The following TBX4 variants were observed in gnomAD, a reference collection of about 807,000 sequenced individuals.
TBX4 encodes the protein T-box transcription factor TBX4.
TBX4 carries 13 observed loss-of-function variants against 54.6 expected under a neutral mutation model. That is an observed-to-expected ratio of 0.24 (90% confidence interval 0.15 to 0.38). The LOEUF is 0.38. TBX4 is among the 10% of genes least tolerant of loss of function. The probability of loss-of-function intolerance (pLI) is 1.00; values close to 1 mark genes in which losing one functional copy is unlikely to be tolerated. For synonymous variants in TBX4, 314 were observed against 306.7 expected (o/e 1.02, Z -0.25); for missense variants, 631 against 728.5 (o/e 0.87, Z 1.54).
At position 61,480,460 on chromosome 17, in the gene TBX4, G is replaced by T; in HGVS notation, c.1021+141G>T. ...TGGCCTGGGAGAGTGGGCCTGAAGG[G>T]TTAGGGATCACAGCTGGGCGCAGGG... On this transcript the variant is annotated intron_variant, in intron 8 of 8. Transcript: ENST00000644296. This position sits in a 1 kb window ranked among gnomAD's most constrained non-coding sequence, Gnocchi z 6.2. 1 of 811,156 alleles carries T rather than the reference G, an allele frequency of 1.2e-6. No individual in the cohort carries two copies. The highest frequency in any genetic ancestry group is 2.0e-6 in the Non-Finnish European group (1 of 488,876). 50.2% of individuals were successfully genotyped at this position (811,156 alleles called of 1,614,324 possible). A position where few individuals can be genotyped will look rare whatever the true frequency, so the allele number is the denominator to read the frequency against.
intron 5 of TBX4, among the ~76,000 whole-genome samples, chr17:61,470,748 C>T (rs2060571348): frequency 6.6e-6 from 1 of 152,226 alleles, no homozygotes; most frequent in Non-Finnish European, 1.5e-5. Context: ...TGCTGTTCTG[C>T]TGGCCACAGA....
In TBX4 at chr17:61,467,514, G is replaced by A. The variant is rs759509229; in HGVS notation, c.406G>A (p.Val136Met). 6.2e-7 allele frequency: 1 copy of A among 1,614,210 alleles called. No individual in the cohort carries two copies. The highest frequency in any genetic ancestry group is 2.2e-5 in the East Asian group (1 of 44,888). The change falls in exon 5 of 9, where the codon GTG becomes ATG. Residue 136 changes from valine (V) to methionine (M), a missense_variant. Around this residue, in one of 3 missense-constraint regions of TBX4, gnomAD observed 154 missense variants for 238.6 expected, o/e 0.65. Coordinates refer to ENST00000644296, the MANE Select transcript of TBX4 (RefSeq NM_001321120.2). ...TCTTATCTGCTCTGTTGGCAGGATG[G>A]TGGCAGGGAAGGCTGAGCCAGCCAT... is the stretch of plus-strand genomic sequence containing the variant. Reference protein sequence around the residue: ...RYKFCDNKWMVAGKAEPAMPG... With the variant: ...RYKFCDNKWMMAGKAEPAMPG...
intron 1 of TBX4, chr17:61,452,869 C>G (rs1047175445): frequency 2.1e-6 from 2 of 956,808 alleles, no homozygotes; most frequent in African/African-American, 3.5e-5. Context: ...ATCGACAGCG[C>G]CAGCACCCTA....
rs1026039295 is a variant in TBX4 at position 61,475,453 on chromosome 17, G to C, written c.550-3174G>C. Among the ~76,000 whole-genome samples the C allele has an allele frequency of 2.0e-5, 3 of 152,210 alleles. No homozygotes were observed. Among genetic ancestry groups the C allele is most frequent in the Non-Finnish European group, 4.4e-5 (3 of 68,036 alleles). ...GCAGGGGAGTGAACTGATGGGATGT[G>C]TTTCAGGAGGAAATGGAGAGAAAGT... On this transcript the variant is annotated intron_variant, in intron 5 of 8. Coordinates refer to ENST00000644296, the MANE Select transcript of TBX4 (RefSeq NM_001321120.2). This position sits in a 1 kb window ranked among gnomAD's most constrained non-coding sequence, Gnocchi z 5.0.
chr17:61,478,845 C>T lies in TBX4; in HGVS notation c.702+66C>T. Reference sequence around the variant, plus strand: ...CCACCCTGCGTTCTCTTCCACCAGGCAGAGAGGCAGAGTGTGAAGCCAGAG... The same window carrying T: ...CCACCCTGCGTTCTCTTCCACCAGGTAGAGAGGCAGAGTGTGAAGCCAGAG... On this transcript the variant is annotated intron_variant, in intron 6 of 8. Coordinates refer to ENST00000644296, the MANE Select transcript of TBX4 (RefSeq NM_001321120.2). The surrounding 1 kb of genome is among the most constrained non-coding windows in gnomAD (Gnocchi z 7.4). 6.2e-7 allele frequency: 1 copy of T among 1,609,518 alleles called. No individual in the cohort carries two copies. The highest frequency in any genetic ancestry group is 8.5e-7 in the Non-Finnish European group (1 of 1,175,996).
intron 8 of TBX4, 131 bp from the exon 9 acceptor site, chr17:61,482,766 T>C (rs889937384): frequency 2.9e-6 from 4 of 1,370,936 alleles, no homozygotes; most frequent in Middle Eastern, 2.4e-4. Context: ...GAAATGGCTC[T>C]GGGAGTGCCA....
chr17:61,466,683 T>C (rs1431101422), intron 4 of TBX4, among the ~76,000 whole-genome samples: 1 of 152,202 alleles, frequency 6.6e-6, no homozygotes, highest in African/African-American at 2.4e-5. Context: ...GGTGGCCACG[T>C]CCTGGCAAGG....
intron 3 of TBX4, chr17:61,463,097 GCCA>G (rs1569035460): frequency 6.6e-6 from 1 of 152,318 alleles, no homozygotes; most frequent in Non-Finnish European, 1.5e-5. Context: ...TCCTTCTGGA[GCCA>G]CCTAGGCAGG....
At chr17:61,463,328 C>T (rs955902348) in intron 3 of TBX4, 9 of 152,622 alleles carry the variant, frequency 5.9e-5, no homozygotes, top group Non-Finnish European at 1.0e-4. Context: ...AGCGCTGCTG[C>T]CTTAGGTAGA....
Position 61,474,964 on chromosome 17 carries a change from A to C in TBX4, c.550-3663A>C, listed in dbSNP as rs575737135. Among the ~76,000 whole-genome samples the C allele has an allele frequency of 6.6e-6, 1 of 152,352 alleles. No homozygotes were observed. Among genetic ancestry groups the C allele is most frequent in the East Asian group, 1.9e-4 (1 of 5,184 alleles). The stretch of plus-strand genomic sequence containing the variant: ...GGGGTGTTTGGGACCACTTAGTCAA[A>C]GGCCCCACTTCATAGATGGGGACCC... On this transcript the variant is annotated intron_variant, in intron 5 of 8. Coordinates refer to ENST00000644296, the MANE Select transcript of TBX4 (RefSeq NM_001321120.2). This position sits in a 1 kb window ranked among gnomAD's most constrained non-coding sequence, Gnocchi z 4.6.
rs1292606400 is a variant in TBX4, at chr17:61,478,185, C to T, written c.550-442C>T. 1.3e-5 allele frequency among the ~76,000 whole-genome samples: 2 copies of T among 152,062 alleles called. No homozygotes were observed. The highest frequency in any genetic ancestry group is 4.8e-5 in the African/African-American group (2 of 41,402). On this transcript the variant is annotated intron_variant, in intron 5 of 8. Coordinates refer to ENST00000644296, the MANE Select transcript of TBX4 (RefSeq NM_001321120.2). This position sits in a 1 kb window ranked among gnomAD's most constrained non-coding sequence, Gnocchi z 7.4. ...GGAGGGAGGTTACATGTTATGATCCCATTTACAAATGTGGAAACTGAGGCA... is the reference window on the plus strand; with the variant it reads ...GGAGGGAGGTTACATGTTATGATCCTATTTACAAATGTGGAAACTGAGGCA...
rs1205294910 is a variant in TBX4 at position 61,462,398 on chromosome 17, C to A, written c.282-3421C>A. Among the ~76,000 whole-genome samples, 1 of 151,688 alleles carries A rather than the reference C, an allele frequency of 6.6e-6. No homozygotes were observed. The highest frequency in any genetic ancestry group is 1.9e-4 in the East Asian group (1 of 5,130). ...CTGGGGGCGCGGGAGCCCGACGGCG[C>A]GAGGGGAACTGGGGGAGCATGGAGA... On this transcript the variant is annotated intron_variant, in intron 3 of 8. Coordinates refer to ENST00000644296, the MANE Select transcript of TBX4 (RefSeq NM_001321120.2). The surrounding 1 kb of genome is among the most constrained non-coding windows in gnomAD (Gnocchi z 4.5).
intron 4 of TBX4, 73 bp from the exon 5 acceptor site, chr17:61,467,437 C>G: frequency 1.3e-6 from 2 of 1,598,468 alleles, no homozygotes; most frequent in South Asian, 2.2e-5. Context: ...GGGGTTTGCT[C>G]CAAGAGGGGA....
At chr17:61,482,703 C>T (rs1018534368) in intron 8 of TBX4, among the ~76,000 whole-genome samples, 194 bp from the exon 9 acceptor site, 5 of 152,194 alleles carry the variant, frequency 3.3e-5, no homozygotes, top group African/African-American at 1.2e-4. Flanking sequence ...GAGTAGGGTC[C>T]GTAATCTGAC....
At position 61,480,403 on chromosome 17, in the gene TBX4, C is replaced by G. The variant is rs868058770; in HGVS notation, c.1021+84C>G. The G allele has an allele frequency of 1.9e-4, 209 of 1,118,826 alleles. No homozygotes were observed. The highest frequency in any genetic ancestry group is 1.1e-3 in the East Asian group (42 of 39,002). 69.3% of individuals were successfully genotyped at this position (1,118,826 alleles called of 1,614,324 possible). On this transcript the variant is annotated intron_variant, in intron 8 of 8. Coordinates refer to ENST00000644296, the MANE Select transcript of TBX4 (RefSeq NM_001321120.2). The surrounding 1 kb of genome is among the most constrained non-coding windows in gnomAD (Gnocchi z 6.2). ...GAAACCACTCTGCAGCGCCCCCCCCCCCAACACACACACACTCATCTCGTG... is the reference window on the plus strand; with the variant it reads ...GAAACCACTCTGCAGCGCCCCCCCCGCCAACACACACACACTCATCTCGTG...
At chr17:61,477,692 G>A (rs1406351894) in intron 5 of TBX4, among the ~76,000 whole-genome samples, 2 of 152,196 alleles carry the variant, frequency 1.3e-5, no homozygotes, top group African/African-American at 2.4e-5. Flanking sequence ...TGTAATCCCA[G>A]CACTTTGGGA....
rs867161944 is a variant in TBX4 at position 61,464,027 on chromosome 17, T to A, written c.282-1792T>A. Reference sequence around the variant, plus strand: ...AGGGTTGGGTTCCTGAGCCCCTCACTTCCCCCATTCCTGGAGAGGGGGTGG... The same window carrying A: ...AGGGTTGGGTTCCTGAGCCCCTCACATCCCCCATTCCTGGAGAGGGGGTGG... On this transcript the variant is annotated intron_variant, in intron 3 of 8. Transcript: ENST00000644296. This position sits in a 1 kb window ranked among gnomAD's most constrained non-coding sequence, Gnocchi z 5.8. 6.6e-6 allele frequency among the ~76,000 whole-genome samples: 1 copy of A among 152,182 alleles called. No individual in the cohort carries two copies. The highest frequency in any genetic ancestry group is 1.5e-5 in the Non-Finnish European group (1 of 68,020).
Position 61,481,595 on chromosome 17 carries a change from C to G in TBX4, c.1021+1276C>G, listed in dbSNP as rs1271879015. The G allele has an allele frequency of 6.5e-6, 1 of 152,778 alleles. No individual in the cohort carries two copies. The highest frequency in any genetic ancestry group is 1.5e-5 in the Non-Finnish European group (1 of 68,500). 9.5% of individuals were successfully genotyped at this position (152,778 alleles called of 1,614,324 possible). On this transcript the variant is annotated intron_variant, in intron 8 of 8. Transcript: ENST00000644296. This position sits in a 1 kb window ranked among gnomAD's most constrained non-coding sequence, Gnocchi z 4.8. ...GAGGAGCAGGTCTCCCTGGGCAGGG[C>G]AGATGCCACCAGCAGGGGCAGAGGA...
Position 61,480,381 on chromosome 17 carries a change from A to G in TBX4, c.1021+62A>G, listed in dbSNP as rs2060655514. ...GAGGAGCGGTGAGGTTCTCCCCGAA[A>G]CCACTCTGCAGCGCCCCCCCCCCCA... On this transcript the variant is annotated intron_variant, in intron 8 of 8. Coordinates refer to ENST00000644296, the MANE Select transcript of TBX4 (RefSeq NM_001321120.2). The surrounding 1 kb of genome is among the most constrained non-coding windows in gnomAD (Gnocchi z 6.2). 1 of 1,338,246 alleles carries G rather than the reference A, an allele frequency of 7.5e-7. No individual in the cohort carries two copies. The highest frequency in any genetic ancestry group is 1.0e-6 in the Non-Finnish European group (1 of 968,864). The allele number at this position is 1,338,246 out of a possible 1,614,324, so 82.9% of individuals were successfully genotyped here.
Sources: gnomAD v4.1 joint callset for allele counts (sites outside exome capture counted in the v4.1 genomes callset) on GRCh38, gnomAD v4.1.1 for gene constraint, gnomAD v4.1.1 regional missense constraint, Gnocchi (gnomAD v3.1) non-coding constraint, MANE v1.5 for transcripts, NCBI Gene and HGNC (gene_info 2026-07-23, HGNC 2026-07-21) for gene names.